Variants in PCSK2 observed in about 807,000 individuals in gnomAD.
PCSK2 encodes the protein neuroendocrine convertase 2.
A neutral mutation model predicts 69.7 loss-of-function variants in PCSK2; 14 were observed. The observed-to-expected ratio is 0.20, with a 90% CI of 0.13 to 0.31. The LOEUF is 0.31. Among genes scored for constraint, PCSK2 ranks in the 10% least tolerant of loss-of-function variants. The pLI, the probability that PCSK2 is intolerant of heterozygous loss-of-function variation, is 1.00. For synonymous variants in PCSK2, 307 were observed against 320.7 expected, an observed-to-expected ratio of 0.96 and a Z score of 0.46; for missense variants, 544 against 842.5, an observed-to-expected ratio of 0.65 and a Z score of 4.39.
chr20:17,290,850 A>AGG (rs1988671614), intron 2 of PCSK2, among the ~76,000 whole-genome samples: 4 of 152,154 alleles, frequency 2.6e-5, no homozygotes, highest in Non-Finnish European at 4.4e-5. Flanking sequence ...TTCTTGTGTT[A>AGG]ACCCATGGTG....
At chr20:17,257,227 G>A (rs200584334) in intron 1 of PCSK2, among the ~76,000 whole-genome samples, 15 of 152,216 alleles carry the variant, frequency 9.9e-5, no homozygotes, top group East Asian at 7.7e-4. Flanking sequence ...ATGAGATACC[G>A]TCTCACACCA....
chr20:17,290,770 A>T (rs1988669013), intron 2 of PCSK2, among the ~76,000 whole-genome samples: 2 of 152,150 alleles, frequency 1.3e-5, no homozygotes, highest in South Asian at 4.1e-4. Context: ...CAAAGAAAAG[A>T]AGTTTATTTG....
intron 5 of PCSK2, among the ~76,000 whole-genome samples, chr20:17,389,585 G>A (rs574144141): frequency 1.4e-4 from 21 of 152,228 alleles, no homozygotes; most frequent in Middle Eastern, 6.8e-3. Flanking sequence ...AGGGACCATC[G>A]GCTAAGAGAC....
At chr20:17,280,820 A>C (rs529843187) in intron 2 of PCSK2, among the ~76,000 whole-genome samples, 1 of 152,310 alleles carries the variant, frequency 6.6e-6, no homozygotes, top group African/African-American at 2.4e-5. Context: ...CATATCTGAC[A>C]GTGTGTGGCA....
chr20:17,458,784 A>C (rs1362141988), intron 10 of PCSK2, among the ~76,000 whole-genome samples: 1 of 152,230 alleles, frequency 6.6e-6, no homozygotes, highest in Admixed American at 6.5e-5. Flanking sequence ...TTTGTAGTTT[A>C]ATATCATAAT....
At chr20:17,320,324 G>A (rs916461927) in intron 2 of PCSK2, among the ~76,000 whole-genome samples, 2 of 152,162 alleles carry the variant, frequency 1.3e-5, no homozygotes, top group East Asian at 3.9e-4. Flanking sequence ...ACCTTAGGGA[G>A]ACTCGTTCCC....
At chr20:17,246,384 C>G (rs1258908082) in intron 1 of PCSK2, among the ~76,000 whole-genome samples, 1 of 152,078 alleles carries the variant, frequency 6.6e-6, no homozygotes, top group East Asian at 1.9e-4. Flanking sequence ...TTAGAATTGA[C>G]TGGGGATATT....
chr20:17,438,546 C>T (rs1454835369), intron 8 of PCSK2, among the ~76,000 whole-genome samples: 3 of 152,218 alleles, frequency 2.0e-5, no homozygotes, highest in East Asian at 3.9e-4. Context: ...AATGCAGACA[C>T]GAAATGGTAC....
chr20:17,393,566 T>C (rs1048707441), intron 5 of PCSK2, among the ~76,000 whole-genome samples: 2 of 152,174 alleles, frequency 1.3e-5, no homozygotes, highest in African/African-American at 4.8e-5. Flanking sequence ...TTTTTAAATT[T>C]TTTTTCTTTT....
At chr20:17,443,738 T>C (rs1263367601) in intron 8 of PCSK2, among the ~76,000 whole-genome samples, 2 of 152,136 alleles carry the variant, frequency 1.3e-5, no homozygotes, top group South Asian at 2.1e-4. Context: ...AGGATATTTC[T>C]CTCTCCTCCA....
chr20:17,406,740 A>G (rs1379427754), intron 5 of PCSK2, among the ~76,000 whole-genome samples: 1 of 152,206 alleles, frequency 6.6e-6, no homozygotes, highest in East Asian at 1.9e-4. Context: ...CTCAGGCAGC[A>G]GCTACAAAGG....
chr20:17,331,310 G>C (rs559645053), intron 2 of PCSK2, among the ~76,000 whole-genome samples: 2 of 152,150 alleles, frequency 1.3e-5, no homozygotes, highest in Non-Finnish European at 2.9e-5. Flanking sequence ...ACCCCGTACA[G>C]TTTACACTTT....
chr20:17,321,251 T>C (rs1006198512), intron 2 of PCSK2, among the ~76,000 whole-genome samples: 2 of 152,198 alleles, frequency 1.3e-5, no homozygotes. Context: ...TTATCCTCCC[T>C]CAACTTCAGT....
rs1210406373 is a variant in PCSK2 at position 17,337,793 on chromosome 20, G to C, written c.283-20534G>C. On this transcript the variant is annotated intron_variant, in intron 2 of 11. Transcript: ENST00000262545. The stretch of plus-strand genomic sequence containing the variant: ...ATGTTTTTTTAATTAGCCAGGTATG[G>C]TGGTGCATGCCTGTAGTCCCTGCTA... 2.0e-5 allele frequency among the ~76,000 whole-genome samples: 3 copies of C among 151,868 alleles called. No individual in the cohort carries two copies. The East Asian group carries it at 5.8e-4, about 29-fold the overall frequency.
chr20:17,416,523 C>A (rs1568640329), intron 6 of PCSK2, among the ~76,000 whole-genome samples: 4 of 151,690 alleles, frequency 2.6e-5, no homozygotes, highest in Admixed American at 2.6e-4. Flanking sequence ...CAGGAAACAA[C>A]AAATGCTGGA....
intron 2 of PCSK2, among the ~76,000 whole-genome samples, chr20:17,290,633 C>T (rs1489585079): frequency 6.6e-6 from 1 of 152,194 alleles, no homozygotes; most frequent in African/African-American, 2.4e-5. Flanking sequence ...ATTCCATAAG[C>T]CTTCACCTAC....
At chr20:17,342,847 G>T (rs533075263) in intron 2 of PCSK2, among the ~76,000 whole-genome samples, 1 of 151,602 alleles carries the variant, frequency 6.6e-6, no homozygotes, top group East Asian at 2.0e-4. Flanking sequence ...GTAGAGATAG[G>T]GTCTTGCTAT....
intron 7 of PCSK2, among the ~76,000 whole-genome samples, chr20:17,430,536 G>GC (rs2032342789): frequency 6.6e-6 from 1 of 152,170 alleles, no homozygotes; most frequent in Admixed American, 6.5e-5. Context: ...AACACTGTTT[G>GC]CTAAGAGGCT....
At chr20:17,385,960 C>T (rs1429302374) in intron 5 of PCSK2, among the ~76,000 whole-genome samples, 1 of 152,176 alleles carries the variant, frequency 6.6e-6, no homozygotes, top group African/African-American at 2.4e-5. Context: ...GCTGCCATAT[C>T]ATTGGTGAAT....
Sources: allele counts gnomAD v4.1 joint callset (sites outside exome capture counted in the v4.1 genomes callset), GRCh38; gene constraint gnomAD v4.1.1; transcripts MANE v1.5; gene names NCBI Gene and HGNC (gene_info 2026-07-23, HGNC 2026-07-21).